The following NRXN3 variants were observed in gnomAD, a reference collection of about 807,000 sequenced individuals.
NRXN3 encodes the protein neurexin 3, also known as neurexin III.
NRXN3 carries 32 observed loss-of-function variants against 137.6 expected under a neutral mutation model. That is an observed-to-expected ratio of 0.23 (90% CI 0.18 to 0.31). The LOEUF (loss-of-function observed/expected upper bound fraction) is 0.31, where lower values mean the gene tolerates loss of function less well. NRXN3 is among the 10% of genes least tolerant of loss of function. The pLI, the probability that NRXN3 is intolerant of heterozygous loss-of-function variation, is 1.00. For missense variants in NRXN3, 1,574 were observed against 2,062.5 expected (o/e 0.76, Z 4.59); for synonymous variants, 798 against 784.5 (o/e 1.02, Z -0.29).
At chr14:79,427,548 C>T (rs1179584122) in intron 15 of NRXN3, among the ~76,000 whole-genome samples, 1 of 152,182 alleles carries the variant, frequency 6.6e-6, no homozygotes, top group Non-Finnish European at 1.5e-5. Flanking sequence ...CGCAGTGGCT[C>T]ACGCCTGTAA....
intron 4 of NRXN3, among the ~76,000 whole-genome samples, chr14:78,428,814 C>T (rs1478659829): frequency 6.6e-6 from 1 of 152,140 alleles, no homozygotes; most frequent in African/African-American, 2.4e-5. Context: ...CTGCTCTTCA[C>T]CCAATTGCAT....
intron 15 of NRXN3, among the ~76,000 whole-genome samples, chr14:79,302,672 G>A (rs1268954778): frequency 6.6e-6 from 1 of 151,898 alleles, no homozygotes; most frequent in Non-Finnish European, 1.5e-5. Flanking sequence ...CTGTTCTCAT[G>A]ATGGTGAGTT....
intron 8 of NRXN3, among the ~76,000 whole-genome samples, chr14:78,793,665 G>A (rs1368420143): frequency 1.3e-5 from 2 of 152,170 alleles, no homozygotes; most frequent in East Asian, 3.9e-4. Flanking sequence ...TGGAGTCCAG[G>A]GTTTTTACCG....
intron 4 of NRXN3, among the ~76,000 whole-genome samples, chr14:78,559,731 C>T (rs1157438744): frequency 1.3e-5 from 2 of 152,174 alleles, no homozygotes; most frequent in African/African-American, 4.8e-5. Flanking sequence ...AGTTCTTCTG[C>T]AAGTTTGGAA....
At chr14:79,257,436 GTGGTGGTAGTGA>G (rs2076812677) in intron 15 of NRXN3, among the ~76,000 whole-genome samples, 1 of 50,890 alleles carries the variant, frequency 2.0e-5, no homozygotes, top group Non-Finnish European at 3.9e-5. Flanking sequence ...GGTGGTGGTG[GTGGTGGTAGTGA>G]TGGTGGTGGT....
intron 15 of NRXN3, among the ~76,000 whole-genome samples, chr14:79,425,840 C>G (rs983589614): frequency 2.0e-5 from 3 of 152,192 alleles, no homozygotes; most frequent in African/African-American, 7.2e-5. Flanking sequence ...AGAATGGACA[C>G]TAGACCCTAG....
At position 79,318,503 on chromosome 14, in the gene NRXN3, A is replaced by T. The variant is rs74324961; in HGVS notation, c.3263-148718A>T. On this transcript the variant is annotated intron_variant, in intron 15 of 20. Transcript: ENST00000335750. Reference sequence around the variant, plus strand: ...AAACCATTGTTGGAATGCCACCAAAATACTTCTTTCCCTTTTAGCATCATC... The same window carrying T: ...AAACCATTGTTGGAATGCCACCAAATTACTTCTTTCCCTTTTAGCATCATC... Among the ~76,000 whole-genome samples the T allele has an allele frequency of 6.1e-3, 928 of 152,358 alleles. 9 individuals are homozygous for T. Among genetic ancestry groups the T allele is most frequent in the African/African-American group, 0.022 (904 of 41,580 alleles).
At chr14:78,209,147 G>T (rs2062494154) in intron 1 of NRXN3, among the ~76,000 whole-genome samples, 1 of 152,154 alleles carries the variant, frequency 6.6e-6, no homozygotes, top group Non-Finnish European at 1.5e-5. Flanking sequence ...AACCAAGCAG[G>T]TGGTGTGCAG....
chr14:79,581,341 C>T (rs1354654216), intron 16 of NRXN3, among the ~76,000 whole-genome samples: 5 of 152,210 alleles, frequency 3.3e-5, no homozygotes, highest in African/African-American at 7.2e-5. Context: ...ATCTACCTTA[C>T]ATCTCTGATC....
chr14:79,740,711 TTTATATATATATA>T (rs2098958737), intron 19 of NRXN3, among the ~76,000 whole-genome samples: 2 of 14,916 alleles, frequency 1.3e-4, no homozygotes, highest in African/African-American at 5.5e-4. Flanking sequence ...CATTTAGTTT[TTTATATATATATA>T]TATATATATA....
At chr14:79,100,261 A>G (rs2152838949) in intron 15 of NRXN3, among the ~76,000 whole-genome samples, 1 of 152,328 alleles carries the variant, frequency 6.6e-6, no homozygotes, top group South Asian at 2.1e-4. Context: ...GAGGCATAAG[A>G]CACCTACACA....
chr14:78,215,280 G>A (rs981288138), intron 1 of NRXN3, among the ~76,000 whole-genome samples: 16 of 151,998 alleles, frequency 1.1e-4, no homozygotes, highest in African/African-American at 3.6e-4. Context: ...TTGGAGCATC[G>A]GCTCTATGGA....
intron 15 of NRXN3, among the ~76,000 whole-genome samples, chr14:79,432,824 C>CA (rs1166490000): frequency 6.6e-6 from 1 of 152,100 alleles, no homozygotes; most frequent in Non-Finnish European, 1.5e-5. Context: ...TTGTGATTGG[C>CA]ACGTGTTACT....
chr14:78,852,672 TTTTAGGACTGGCTCTGCCA>T (rs1358932304), intron 10 of NRXN3, among the ~76,000 whole-genome samples: 1 of 152,144 alleles, frequency 6.6e-6, no homozygotes, highest in African/African-American at 2.4e-5. Flanking sequence ...TGGAGGAGCA[TTTTAGGACTGGCTCTGCCA>T]TTTAACTTAA....
chr14:78,529,458 T>C (rs1209704812), intron 4 of NRXN3, among the ~76,000 whole-genome samples: 1 of 152,168 alleles, frequency 6.6e-6, no homozygotes, highest in Non-Finnish European at 1.5e-5. Context: ...CAATGTCTTT[T>C]CTTTCTTTCT....
At position 78,702,952 on chromosome 14, in the gene NRXN3, A is replaced by G. The variant is rs1009957647; in HGVS notation, c.1222-6265A>G. 2.6e-5 allele frequency among the ~76,000 whole-genome samples: 4 copies of G among 152,322 alleles called. No individual in the cohort carries two copies. In the South Asian group the frequency reaches 8.3e-4, roughly 32 times the overall value. On this transcript the variant is annotated intron_variant, in intron 6 of 20. Coordinates refer to ENST00000335750, the MANE Select transcript of NRXN3 (RefSeq NM_001330195.2). ...TGGTAAGATATTATCTACATTCTAC[A>G]GTATAAGAACATAGGCTGAGACAAG...
At chr14:79,578,184 A>G (rs2153807283) in intron 16 of NRXN3, among the ~76,000 whole-genome samples, 1 of 152,314 alleles carries the variant, frequency 6.6e-6, no homozygotes, top group Middle Eastern at 3.4e-3. Flanking sequence ...TATTGTAAGG[A>G]CAGGATACAG....
At chr14:78,432,933 C>A (rs1359873746) in intron 4 of NRXN3, among the ~76,000 whole-genome samples, 2 of 152,184 alleles carry the variant, frequency 1.3e-5, no homozygotes, top group Non-Finnish European at 2.9e-5. Context: ...CTGTATTATT[C>A]TTCTATTGCT....
chr14:78,788,810 G>A (rs1412526488), intron 8 of NRXN3, among the ~76,000 whole-genome samples: 2 of 151,950 alleles, frequency 1.3e-5, no homozygotes, highest in Admixed American at 6.6e-5. Flanking sequence ...TGACTGATTC[G>A]GTATTATTAT....
Sources: allele counts gnomAD v4.1 joint callset (sites outside exome capture counted in the v4.1 genomes callset), GRCh38; gene constraint gnomAD v4.1.1; transcripts MANE v1.5; gene names NCBI Gene and HGNC (gene_info 2026-07-23, HGNC 2026-07-21).